The following CABLES1 variants were observed in gnomAD, a reference collection of about 807,000 sequenced individuals.
CABLES1 encodes CDK5 and ABL1 enzyme substrate 1.
Under a neutral mutation model 57.8 loss-of-function variants are expected in CABLES1, and 36 were observed. The ratio of observed to expected loss-of-function variants is 0.62; its 90% confidence interval spans 0.48 to 0.82. The LOEUF is 0.82. Among genes scored for constraint, CABLES1 ranks in the 40% least tolerant of loss-of-function variants. The pLI, the probability that CABLES1 is intolerant of heterozygous loss-of-function variation, is 0.00. For synonymous variants in CABLES1, 374 were observed against 363.0 expected, an observed-to-expected ratio of 1.03 and a Z score of -0.35; for missense variants, 767 against 836.6, an observed-to-expected ratio of 0.92 and a Z score of 1.03.
chr18:23,135,916 C>T lies in CABLES1; in HGVS notation c.154C>T (p.Pro52Ser). Residue 52 changes from proline (P) to serine (S), a missense_variant, in exon 1 of 10, where the codon CCC (proline) becomes TCC (serine). By Grantham distance (74) the Pro-to-Ser change is moderately conservative. Transcript: ENST00000256925. ...GCCGGCCCAGCCGCCGCCCGAACCC[C>T]CCCGGAAGCCGCGCATGGACCCGCG... ...AAPAQPPPEP[P>S]RKPRMDPRRR... 1 of 1,092,472 alleles carries T rather than the reference C, an allele frequency of 9.2e-7. No homozygotes were observed. Among genetic ancestry groups the T allele is most frequent in the South Asian group, 4.1e-5 (1 of 24,580 alleles). 67.7% of individuals were successfully genotyped at this position (1,092,472 alleles called of 1,614,324 possible).
chr18:23,163,870 A>C (rs1347239187), intron 1 of CABLES1, among the ~76,000 whole-genome samples: 1 of 152,222 alleles, frequency 6.6e-6, no homozygotes, highest in Non-Finnish European at 1.5e-5. Flanking sequence ...TTTGTTCATT[A>C]GTATTTTAAA....
chr18:23,188,769 A>G, intron 1 of CABLES1, 69 bp from the exon 2 acceptor site: 2 of 1,122,440 alleles, frequency 1.8e-6, no homozygotes, highest in South Asian at 1.2e-5. Context: ...GTAGTTTTAG[A>G]TTTGCACAAA....
chr18:23,214,152 T>C (rs929673247), intron 4 of CABLES1, 98 bp downstream of exon 4: 2 of 789,436 alleles, frequency 2.5e-6, no homozygotes, highest in Admixed American at 2.5e-5. Flanking sequence ...AGAAGTTGCC[T>C]TGCTTTGATA....
intron 1 of CABLES1, among the ~76,000 whole-genome samples, chr18:23,170,305 C>CT (rs1426049563): frequency 6.6e-6 from 1 of 152,192 alleles, no homozygotes; most frequent in African/African-American, 2.4e-5. Flanking sequence ...AAGGGCCTGC[C>CT]TGTTTTTGAC....
rs769019323 is a variant in CABLES1 at position 23,253,046 on chromosome 18, G to C, written c.1533G>C (p.Leu511=). The change falls in exon 8 of 10, where the codon CTG becomes CTC. Residue 511 remains leucine, a synonymous_variant. Coordinates refer to ENST00000256925, the MANE Select transcript of CABLES1 (RefSeq NM_001100619.3). ...AGGAGAAGTTTCCTCACATTAAGCT[G>C]ACACTCAGCAAAATTAGGAGGTACG... ...TFKEKFPHIK[L]TLSKIRSLKR... is the part of the protein sequence containing the mutation. The C allele has an allele frequency of 2.5e-6, 4 of 1,612,332 alleles. No individual in the cohort carries two copies. In the South Asian group the frequency reaches 4.4e-5, roughly 18 times the overall value.
At chr18:23,205,662 C>T (rs189048583) in intron 3 of CABLES1, among the ~76,000 whole-genome samples, 90 of 152,188 alleles carry the variant, frequency 5.9e-4, no homozygotes, top group African/African-American at 2.0e-3. Context: ...TGGAGTAGGA[C>T]GGGCCCTAAT....
At chr18:23,245,665 G>C (rs1170619715) in intron 7 of CABLES1, among the ~76,000 whole-genome samples, 1 of 152,224 alleles carries the variant, frequency 6.6e-6, no homozygotes, top group East Asian at 1.9e-4. Flanking sequence ...CAGCAGGGCA[G>C]GCCAGGCAGG....
chr18:23,244,455 AC>A (rs1279940232), intron 7 of CABLES1, among the ~76,000 whole-genome samples: 3 of 152,220 alleles, frequency 2.0e-5, no homozygotes, highest in Non-Finnish European at 4.4e-5. Flanking sequence ...TGCGTAGGCT[AC>A]CCGTTTATTT....
chr18:23,139,315 A>G (rs374137472), intron 1 of CABLES1, among the ~76,000 whole-genome samples: 78 of 148,850 alleles, frequency 5.2e-4, no homozygotes, highest in African/African-American at 1.9e-3. Context: ...AGGCAGGAGA[A>G]TTGCTTGAAC....
At chr18:23,215,367 G>A (rs2047434029) in intron 4 of CABLES1, among the ~76,000 whole-genome samples, 1 of 152,176 alleles carries the variant, frequency 6.6e-6, no homozygotes, top group Non-Finnish European at 1.5e-5. Flanking sequence ...TAGACCTGGT[G>A]TGACCCCAGA....
At chr18:23,186,042 A>G (rs1169017701) in intron 1 of CABLES1, among the ~76,000 whole-genome samples, 2 of 152,180 alleles carry the variant, frequency 1.3e-5, no homozygotes, top group African/African-American at 4.8e-5. Flanking sequence ...TTCTCAGTGC[A>G]CCCCACTGTG....
At chr18:23,228,140 T>G (rs2047541551) in intron 4 of CABLES1, among the ~76,000 whole-genome samples, 1 of 152,218 alleles carries the variant, frequency 6.6e-6, no homozygotes, top group Non-Finnish European at 1.5e-5. Flanking sequence ...AGTTCATTGA[T>G]CATGCTCCCT....
At chr18:23,223,170 C>T (rs1309646755) in intron 4 of CABLES1, among the ~76,000 whole-genome samples, 2 of 152,200 alleles carry the variant, frequency 1.3e-5, no homozygotes, top group African/African-American at 2.4e-5. Flanking sequence ...ATCTAGTCCT[C>T]TACCAACTCA....
chr18:23,148,536 A>G (rs750185416), intron 1 of CABLES1, among the ~76,000 whole-genome samples: 40 of 152,214 alleles, frequency 2.6e-4, no homozygotes, highest in Non-Finnish European at 4.3e-4. Flanking sequence ...GATTCTGCAC[A>G]CACATCTGCA....
At chr18:23,171,796 C>T (rs554415897) in intron 1 of CABLES1, among the ~76,000 whole-genome samples, 1 of 152,344 alleles carries the variant, frequency 6.6e-6, no homozygotes, top group South Asian at 2.1e-4. Context: ...ACCCCATCAG[C>T]CTCACATCCC....
At chr18:23,150,592 G>A (rs1367586694) in intron 1 of CABLES1, among the ~76,000 whole-genome samples, 1 of 152,164 alleles carries the variant, frequency 6.6e-6, no homozygotes, top group South Asian at 2.1e-4. Context: ...GGGATATGGG[G>A]GAGCCCCGGA....
intron 1 of CABLES1, among the ~76,000 whole-genome samples, chr18:23,152,780 A>G (rs2046939600): frequency 6.6e-6 from 1 of 150,698 alleles, no homozygotes; most frequent in African/African-American, 2.4e-5. Flanking sequence ...CCACCATGCC[A>G]GGCCTTGGTC....
intron 9 of CABLES1, among the ~76,000 whole-genome samples, chr18:23,256,978 A>G (rs1221940038): frequency 6.6e-6 from 1 of 152,192 alleles, no homozygotes; most frequent in Non-Finnish European, 1.5e-5. Context: ...TATTCCTGAG[A>G]GGATTAAATG....
chr18:23,146,451 C>T (rs1309103269), intron 1 of CABLES1, among the ~76,000 whole-genome samples: 1 of 152,152 alleles, frequency 6.6e-6, no homozygotes, highest in Non-Finnish European at 1.5e-5. Context: ...AGTGATCAGC[C>T]TGCCTCAGCC....
Sources: gnomAD v4.1 joint callset for allele counts (sites outside exome capture counted in the v4.1 genomes callset) on GRCh38, gnomAD v4.1.1 for gene constraint, MANE v1.5 for transcripts, NCBI Gene and HGNC (gene_info 2026-07-23, HGNC 2026-07-21) for gene names.